CCDC148: variants seen among roughly 807,000 people sequenced by gnomAD.
CCDC148 encodes coiled-coil domain containing 148, also known as coiled-coil domain-containing protein 148.
In CCDC148, 89 loss-of-function variants were observed where a neutral mutation model predicts 85.7. The ratio of observed to expected loss-of-function variants is 1.04; its 90% CI spans 0.87 to 1.24. CCDC148 has a LOEUF of 1.24. Among genes scored for constraint, CCDC148 ranks in the 50% most tolerant of loss-of-function variants. CCDC148 has a pLI of 0.00. For synonymous variants in CCDC148, 230 were observed against 213.9 expected (o/e 1.08, Z -0.66); for missense variants, 692 against 671.7 (o/e 1.03, Z -0.33).
chr2:158,273,134 T>C (rs959095912), intron 9 of CCDC148, among the ~76,000 whole-genome samples: 1 of 152,140 alleles, frequency 6.6e-6, no homozygotes, highest in African/African-American at 2.4e-5. Context: ...CTACAAATTA[T>C]GATTTAGATG....
intron 7 of CCDC148, among the ~76,000 whole-genome samples, chr2:158,316,328 G>A (rs938433862): frequency 6.6e-6 from 1 of 152,120 alleles, no homozygotes; most frequent in Non-Finnish European, 1.5e-5. Flanking sequence ...GGCACTCAGT[G>A]CATTTTTATA....
chr2:158,371,797 C>G (rs1225529340), intron 1 of CCDC148, among the ~76,000 whole-genome samples: 1 of 151,782 alleles, frequency 6.6e-6, no homozygotes, highest in Admixed American at 6.6e-5. Context: ...GCCTTTTTTA[C>G]TGAAAAATAA....
chr2:158,235,982 C>T (rs61050692), intron 10 of CCDC148: 31,336 of 152,234 alleles, frequency 0.21, 3,455 homozygotes, highest in Admixed American at 0.26. Context: ...TGTTCCACTT[C>T]GGCTGAACCA....
intron 10 of CCDC148, among the ~76,000 whole-genome samples, chr2:158,222,878 C>T (rs148045481): frequency 2.5e-4 from 38 of 152,320 alleles, no homozygotes; most frequent in African/African-American, 8.7e-4. Context: ...CAGTCTACAG[C>T]TCCCAGGGTG....
intron 1 of CCDC148, among the ~76,000 whole-genome samples, chr2:158,409,298 A>G (rs1686158146): frequency 6.6e-6 from 1 of 152,174 alleles, no homozygotes. Flanking sequence ...AGCAACAGAC[A>G]CTAAACGACA....
At chr2:158,337,855 C>T (rs1240983830) in intron 7 of CCDC148, among the ~76,000 whole-genome samples, 1 of 152,128 alleles carries the variant, frequency 6.6e-6, no homozygotes, top group Non-Finnish European at 1.5e-5. Flanking sequence ...TAGTTTCATA[C>T]AGAGGAGCTG....
chr2:158,339,807 G>C (rs1264983402), intron 5 of CCDC148, among the ~76,000 whole-genome samples: 1 of 152,174 alleles, frequency 6.6e-6, no homozygotes, highest in Admixed American at 6.5e-5. Context: ...GCCTGGGTGT[G>C]ACTGAGCTTT....
chr2:158,310,050 T>A (rs1172340977), intron 8 of CCDC148, among the ~76,000 whole-genome samples: 3 of 152,186 alleles, frequency 2.0e-5, no homozygotes, highest in African/African-American at 7.2e-5. Flanking sequence ...TCTCTGGTTT[T>A]CCTAGGCAGA....
At chr2:158,264,391 A>T (rs1204568962) in intron 9 of CCDC148, among the ~76,000 whole-genome samples, 5 of 152,234 alleles carry the variant, frequency 3.3e-5, no homozygotes, top group Admixed American at 3.3e-4. Flanking sequence ...TCACAAGATT[A>T]TTAACTGGGA....
intron 1 of CCDC148, among the ~76,000 whole-genome samples, chr2:158,416,692 T>C (rs1474622599): frequency 6.6e-6 from 1 of 152,182 alleles, no homozygotes. Context: ...AATTCCAAGC[T>C]TTTCCTCATC....
intron 1 of CCDC148, among the ~76,000 whole-genome samples, chr2:158,405,152 T>G (rs1289528917): frequency 6.6e-6 from 1 of 152,118 alleles, no homozygotes; most frequent in Non-Finnish European, 1.5e-5. Flanking sequence ...AAATGGTTCC[T>G]TATAGGGCCA....
At chr2:158,206,480 G>C (rs757263363) in intron 11 of CCDC148, among the ~76,000 whole-genome samples, 7 of 152,220 alleles carry the variant, frequency 4.6e-5, no homozygotes, top group Non-Finnish European at 7.3e-5. Flanking sequence ...GCAGAGTGCT[G>C]AGATTGATGG....
At chr2:158,380,520 A>G (rs1174963254) in intron 1 of CCDC148, among the ~76,000 whole-genome samples, 1 of 152,182 alleles carries the variant, frequency 6.6e-6, no homozygotes, top group Non-Finnish European at 1.5e-5. Context: ...ATGGTGGAAA[A>G]GACTCAGTAT....
intron 7 of CCDC148, among the ~76,000 whole-genome samples, chr2:158,318,210 C>T (rs1692366822): frequency 1.3e-5 from 2 of 152,256 alleles, no homozygotes; most frequent in African/African-American, 4.8e-5. Flanking sequence ...GCTCCCTGCT[C>T]CCAGACCCAT....
intron 1 of CCDC148, among the ~76,000 whole-genome samples, chr2:158,456,088 G>T (rs558511558): frequency 1.3e-5 from 2 of 152,294 alleles, no homozygotes; most frequent in South Asian, 2.1e-4. Context: ...CTCATAGTGC[G>T]GGATGTACAC....
At chr2:158,341,337 C>T (rs1020453668) in intron 3 of CCDC148, among the ~76,000 whole-genome samples, 7 of 145,916 alleles carry the variant, frequency 4.8e-5, no homozygotes, top group South Asian at 2.2e-4. Flanking sequence ...GACTGAGTCT[C>T]GCTTGATCGC....
intron 9 of CCDC148, among the ~76,000 whole-genome samples, chr2:158,286,424 C>G (rs1690628645): frequency 6.6e-6 from 1 of 152,196 alleles, no homozygotes; most frequent in Admixed American, 6.5e-5. Flanking sequence ...TTGCAAAGCT[C>G]TCCATTCTTG....
intron 9 of CCDC148, among the ~76,000 whole-genome samples, 158 bp downstream of exon 9, chr2:158,309,275 T>C (rs553171001): frequency 1.8e-4 from 28 of 152,344 alleles, no homozygotes; most frequent in Non-Finnish European, 2.9e-4. Context: ...GTATTTGACC[T>C]AAAAAATGCA....
intron 1 of CCDC148, among the ~76,000 whole-genome samples, chr2:158,387,443 C>G (rs76092644): frequency 0.052 from 7,862 of 152,036 alleles, 361 homozygotes; most frequent in African/African-American, 0.12. Flanking sequence ...AACTTTTTAT[C>G]TTTTATTTGA....
Sources: allele counts gnomAD v4.1 joint callset (sites outside exome capture counted in the v4.1 genomes callset), GRCh38; gene constraint gnomAD v4.1.1; transcripts MANE v1.5; gene names NCBI Gene and HGNC (gene_info 2026-07-23, HGNC 2026-07-21).